LSAMP: variants seen among roughly 807,000 people sequenced by gnomAD.
The protein encoded by LSAMP is limbic system-associated membrane protein.
In LSAMP, 7 loss-of-function variants were observed where a neutral mutation model predicts 38.6. The observed-to-expected ratio is 0.18, with a 90% CI of 0.10 to 0.34. The LOEUF is 0.34. Ranked by LOEUF, LSAMP falls within the 10% of genes least tolerant of loss-of-function variation. The pLI is 1.00. For missense variants in LSAMP, 313 were observed against 420.0 expected (o/e 0.75, Z 2.23); for synonymous variants, 154 against 166.8 (o/e 0.92, Z 0.59).
chr3:116,136,445 AG>A (rs1709249846), intron 1 of LSAMP, among the ~76,000 whole-genome samples: 1 of 152,142 alleles, frequency 6.6e-6, no homozygotes, highest in Admixed American at 6.6e-5. Context: ...ATGACTTCAA[AG>A]TCCCTGGGTT....
intron 1 of LSAMP, among the ~76,000 whole-genome samples, chr3:116,147,367 C>T (rs1220777203): frequency 6.6e-6 from 1 of 151,962 alleles, no homozygotes; most frequent in South Asian, 2.1e-4. Flanking sequence ...GCTTTATTAA[C>T]ATTCTATTCA....
chr3:116,059,860 G>T (rs1031796217), intron 2 of LSAMP, among the ~76,000 whole-genome samples: 2 of 152,152 alleles, frequency 1.3e-5, no homozygotes, highest in Non-Finnish European at 2.9e-5. Flanking sequence ...GTGTAATAAG[G>T]AACACTCAGG....
intron 3 of LSAMP, among the ~76,000 whole-genome samples, chr3:115,897,820 C>A (rs1936767000): frequency 6.6e-6 from 1 of 152,060 alleles, no homozygotes; most frequent in Non-Finnish European, 1.5e-5. Context: ...GTGCCTCTGG[C>A]AAAAATCACT....
At chr3:116,336,490 C>T (rs1576139099) in intron 1 of LSAMP, among the ~76,000 whole-genome samples, 1 of 151,984 alleles carries the variant, frequency 6.6e-6, no homozygotes, top group East Asian at 1.9e-4. Flanking sequence ...CTAATAAGCA[C>T]GTGAAAAGAT....
At position 116,201,115 on chromosome 3, in the gene LSAMP, G is replaced by T. The variant is rs536189692; in HGVS notation, c.156-114559C>A. On this transcript the variant is annotated intron_variant, in intron 1 of 6. Coordinates refer to ENST00000490035, the MANE Select transcript of LSAMP (RefSeq NM_002338.5). Reference sequence around the variant, plus strand: ...GATGGGTGGGTTAGCTGTTTGATCCGCTCCCAGTCCCTCCCCGCTGTACCT... The same window carrying T: ...GATGGGTGGGTTAGCTGTTTGATCCTCTCCCAGTCCCTCCCCGCTGTACCT... 2.0e-5 allele frequency among the ~76,000 whole-genome samples: 3 copies of T among 152,210 alleles called. No homozygotes were observed. The South Asian group carries it at 6.2e-4, about 32-fold the overall frequency.
At chr3:116,224,367 T>C (rs1054716230) in intron 1 of LSAMP, among the ~76,000 whole-genome samples, 1 of 152,192 alleles carries the variant, frequency 6.6e-6, no homozygotes, top group Non-Finnish European at 1.5e-5. Flanking sequence ...TTAAAAATCA[T>C]GCTTCTAAGG....
chr3:116,150,332 C>T (rs1279234703), intron 1 of LSAMP, among the ~76,000 whole-genome samples: 3 of 151,984 alleles, frequency 2.0e-5, no homozygotes, highest in African/African-American at 4.8e-5. Context: ...TAGCTATTCT[C>T]CCCTCTCATG....
chr3:115,889,437 G>A (rs1264553942), intron 3 of LSAMP, among the ~76,000 whole-genome samples: 1 of 151,798 alleles, frequency 6.6e-6, no homozygotes, highest in Non-Finnish European at 1.5e-5. Flanking sequence ...TTATATTTAG[G>A]TAAGGCTTAA....
intron 1 of LSAMP, among the ~76,000 whole-genome samples, chr3:116,236,710 C>A (rs2046469266): frequency 6.6e-6 from 1 of 151,976 alleles, no homozygotes; most frequent in Non-Finnish European, 1.5e-5. Flanking sequence ...CCACAAGTTG[C>A]CTTTAGTGTT....
chr3:116,032,603 C>T (rs1003295550), intron 2 of LSAMP, among the ~76,000 whole-genome samples: 25 of 151,966 alleles, frequency 1.6e-4, no homozygotes, highest in Non-Finnish European at 1.5e-5. Flanking sequence ...TGAGACAAGC[C>T]TGGGCAACAT....
chr3:116,005,577 G>A (rs535452779), intron 3 of LSAMP, among the ~76,000 whole-genome samples: 2 of 152,310 alleles, frequency 1.3e-5, no homozygotes, highest in Admixed American at 6.5e-5. Context: ...AGCAGAGCCC[G>A]TGATCCACTC....
At chr3:115,834,363 A>G (rs140162257) in intron 6 of LSAMP, among the ~76,000 whole-genome samples, 1 of 152,310 alleles carries the variant, frequency 6.6e-6, no homozygotes, top group East Asian at 1.9e-4. Context: ...GATGAGTCAG[A>G]TAATAGTCTT....
chr3:115,986,980 T>C (rs1328320367), intron 3 of LSAMP, among the ~76,000 whole-genome samples: 1 of 152,132 alleles, frequency 6.6e-6, no homozygotes, highest in African/African-American at 2.4e-5. Context: ...AGGAAAAATA[T>C]CTGAACCTCA....
intron 1 of LSAMP, among the ~76,000 whole-genome samples, chr3:116,130,844 C>CCTTTTCCTCT (rs776335931): frequency 6.6e-6 from 1 of 151,956 alleles, no homozygotes; most frequent in African/African-American, 2.4e-5. Flanking sequence ...TTTTCTTCCC[C>CCTTTTCCTCT]CTTTTCCTCT....
At chr3:115,949,814 G>A (rs61108370) in intron 3 of LSAMP, among the ~76,000 whole-genome samples, 5,037 of 151,036 alleles carry the variant, frequency 0.033, 266 homozygotes, top group African/African-American at 0.11. Flanking sequence ...GATCAGTATC[G>A]CTGATGAACA....
rs527620556 is a variant in LSAMP, at chr3:115,928,697, G to A, written c.515-76080C>T. ...AGAGTGCAGGGGGTGAGGAGGGGCT[G>A]TAAAGGAAAAGGGTGAGAGAAAGAA... On this transcript the variant is annotated intron_variant, in intron 3 of 6. Coordinates refer to ENST00000490035, the MANE Select transcript of LSAMP (RefSeq NM_002338.5). 1.1e-3 allele frequency among the ~76,000 whole-genome samples: 169 copies of A among 152,286 alleles called. 1 individual carries two copies. The highest frequency in any genetic ancestry group is 3.9e-3 in the African/African-American group (162 of 41,560).
intron 3 of LSAMP, among the ~76,000 whole-genome samples, chr3:115,908,711 C>T (rs978355471): frequency 6.6e-5 from 10 of 152,132 alleles, no homozygotes; most frequent in Non-Finnish European, 1.3e-4. Context: ...ATCCATTATA[C>T]CTCTAGTGCA....
chr3:115,876,901 C>T (rs1936194920), intron 3 of LSAMP, among the ~76,000 whole-genome samples: 1 of 152,058 alleles, frequency 6.6e-6, no homozygotes, highest in Non-Finnish European at 1.5e-5. Context: ...ATTCTTTCTT[C>T]TTATAGTTTT....
At chr3:115,995,924 C>T (rs765195208) in intron 3 of LSAMP, among the ~76,000 whole-genome samples, 10 of 151,920 alleles carry the variant, frequency 6.6e-5, no homozygotes, top group Non-Finnish European at 8.8e-5. Flanking sequence ...GAAAACTTAG[C>T]TTGAGATACA....
Sources: gnomAD v4.1 joint callset for allele counts (sites outside exome capture counted in the v4.1 genomes callset) on GRCh38, gnomAD v4.1.1 for gene constraint, MANE v1.5 for transcripts, NCBI Gene and HGNC (gene_info 2026-07-23, HGNC 2026-07-21) for gene names.